The following IL22RA2 variants were observed in gnomAD, a reference collection of about 807,000 sequenced individuals.
IL22RA2 encodes interleukin 22 receptor subunit alpha 2, also known as interleukin-22 receptor subunit alpha-2.
A neutral mutation model predicts 30.7 loss-of-function variants in IL22RA2; 39 were observed. That is an observed-to-expected ratio of 1.27 (90% CI 0.98 to 1.66). IL22RA2 has a LOEUF of 1.66. Ranked by LOEUF, IL22RA2 falls within the 40% of genes most tolerant of loss-of-function variation. The pLI, the probability that IL22RA2 is intolerant of heterozygous loss-of-function variation, is 0.00. For missense variants in IL22RA2, 315 were observed against 312.7 expected (o/e 1.01, Z -0.05); for synonymous variants, 103 against 105.0 (o/e 0.98, Z 0.11).
chr6:137,155,513 T>C (rs1360763537), intron 4 of IL22RA2, among the ~76,000 whole-genome samples: 1 of 150,090 alleles, frequency 6.7e-6, no homozygotes, highest in African/African-American at 2.4e-5. Flanking sequence ...TATATACATA[T>C]ATATATAAAA....
At chr6:137,156,726 A>C in intron 4 of IL22RA2, 33 bp downstream of exon 4, 1 of 1,604,384 alleles carries the variant, frequency 6.2e-7, no homozygotes, top group Non-Finnish European at 8.5e-7. Flanking sequence ...AGAACACCTG[A>C]GGCTAGGTAA....
Position 137,154,921 on chromosome 6 carries a change from A to G in IL22RA2, c.472+20T>C. On this transcript the variant is annotated intron_variant, in intron 5 of 6. Coordinates refer to ENST00000296980, the MANE Select transcript of IL22RA2 (RefSeq NM_052962.3). ...CCAAAAGCAGGAAGAACAAGGGCAA[A>G]GAAACTCCATGGAACTCACTTTCCC... 1 of 1,612,778 alleles carries G rather than the reference A, an allele frequency of 6.2e-7. No individual in the cohort carries two copies. The highest frequency in any genetic ancestry group is 1.3e-5 in the African/African-American group (1 of 75,024).
At chr6:137,172,392 C>T (rs906582855) in intron 1 of IL22RA2, among the ~76,000 whole-genome samples, 34 of 152,244 alleles carry the variant, frequency 2.2e-4, no homozygotes, top group Admixed American at 2.0e-3. Flanking sequence ...CCAGTTCTGT[C>T]ACTGTTCAAT....
chr6:137,151,722 A>AT (rs1218685595), intron 5 of IL22RA2, among the ~76,000 whole-genome samples: 2 of 152,190 alleles, frequency 1.3e-5, no homozygotes, highest in Non-Finnish European at 2.9e-5. Context: ...ATTTGATTAA[A>AT]TTTTTTAAAT....
chr6:137,148,691 G>A (rs1288544050), intron 5 of IL22RA2, among the ~76,000 whole-genome samples: 2 of 152,192 alleles, frequency 1.3e-5, no homozygotes, highest in Non-Finnish European at 2.9e-5. Flanking sequence ...AAGTGTTTTA[G>A]AAGAAGAGAG....
chr6:137,167,162 C>T (rs1778642425), intron 1 of IL22RA2, among the ~76,000 whole-genome samples: 2 of 152,196 alleles, frequency 1.3e-5, no homozygotes, highest in Admixed American at 6.5e-5. Flanking sequence ...AATAGTACAA[C>T]AGCTAACACA....
intron 1 of IL22RA2, among the ~76,000 whole-genome samples, chr6:137,166,975 C>A (rs772785507): frequency 1.3e-5 from 2 of 152,202 alleles, no homozygotes; most frequent in Non-Finnish European, 2.9e-5. Context: ...TGCCTCGAAC[C>A]GGAGGCTACC....
chr6:137,159,951 A>T (rs2114379014), intron 2 of IL22RA2, among the ~76,000 whole-genome samples: 1 of 152,314 alleles, frequency 6.6e-6, no homozygotes, highest in South Asian at 2.1e-4. Flanking sequence ...CTTCTTACCA[A>T]CCAAATAGTG....
intron 4 of IL22RA2, 118 bp from the exon 5 acceptor site, chr6:137,155,237 T>G (rs1343327442): frequency 1.0e-5 from 7 of 670,792 alleles, no homozygotes; most frequent in Non-Finnish European, 1.7e-5. Flanking sequence ...CATGATAGCT[T>G]ATGGCTCCTC....
chr6:137,146,392 A>G (rs1287529568), intron 6 of IL22RA2, among the ~76,000 whole-genome samples: 1 of 152,136 alleles, frequency 6.6e-6, no homozygotes, highest in Non-Finnish European at 1.5e-5. Flanking sequence ...AGCAGAGATA[A>G]CTGCAGGCAT....
chr6:137,167,073 T>C (rs1269756717), intron 1 of IL22RA2, among the ~76,000 whole-genome samples: 4 of 152,210 alleles, frequency 2.6e-5, no homozygotes, highest in Non-Finnish European at 5.9e-5. Flanking sequence ...GTAACCAGAA[T>C]CTTACTAAAG....
chr6:137,155,228 A>C, intron 4 of IL22RA2, 109 bp from the exon 5 acceptor site: 1 of 713,578 alleles, frequency 1.4e-6, no homozygotes, highest in Non-Finnish European at 2.3e-6. Context: ...CAATACCACC[A>C]TGATAGCTTA....
chr6:137,152,640 G>A lies in IL22RA2; in HGVS notation c.472+2301C>T, dbSNP rs9483995. On this transcript the variant is annotated intron_variant, in intron 5 of 6. Coordinates refer to ENST00000296980, the MANE Select transcript of IL22RA2 (RefSeq NM_052962.3). ...GTTCTAAAATTGACTGTGAGTGATG[G>A]TTGTACATATTTGTGAATATAGTAA... Among the ~76,000 whole-genome samples, 890 of 152,266 alleles carry A rather than the reference G, an allele frequency of 5.8e-3. 6 individuals carry two copies. The highest frequency in any genetic ancestry group is 0.021 in the African/African-American group (862 of 41,542).
intron 1 of IL22RA2, 114 bp from the exon 2 acceptor site, chr6:137,161,928 G>T (rs1347302264): frequency 2.0e-6 from 1 of 490,182 alleles, no homozygotes; most frequent in African/African-American, 1.9e-5. Context: ...GGAAAAATAT[G>T]AAAGTATAAA....
rs759395417 is a variant in IL22RA2 at position 137,161,735 on chromosome 6, A to T, written c.15T>A (p.His5Gln). The change falls in exon 2 of 7, where the codon CAT becomes CAA. Residue 5 changes from histidine (H) to glutamine (Q), a missense_variant. By Grantham distance (24) the His-to-Gln change is conservative. Transcript: ENST00000296980. ...AACTGATGAGGAAGCCTAGAAAGCA[A>T]TGTTTAGGCATCATGGTTGCAAGTG... is the stretch of plus-strand genomic sequence containing the variant. MMPKHCFLGFLISFF... is the reference protein window; with the variant it reads MMPKQCFLGFLISFF... 6.2e-7 allele frequency: 1 copy of T among 1,613,678 alleles called. No individual in the cohort carries two copies. Among genetic ancestry groups the T allele is most frequent in the Non-Finnish European group, 8.5e-7 (1 of 1,179,722 alleles).
intron 4 of IL22RA2, 71 bp downstream of exon 4, chr6:137,156,680 TTTATACAA>T: frequency 6.4e-7 from 1 of 1,555,374 alleles, no homozygotes; most frequent in Admixed American, 1.7e-5. Flanking sequence ...GGGTCTGAAA[TTTATACAA>T]TCTTGGTCCA....
At chr6:137,172,844 G>A (rs959045939) in intron 1 of IL22RA2, among the ~76,000 whole-genome samples, 1 of 152,134 alleles carries the variant, frequency 6.6e-6, no homozygotes, top group Non-Finnish European at 1.5e-5. Flanking sequence ...GTTTTTAGGT[G>A]TGATGTGGAA....
At chr6:137,169,280 G>A (rs1778687042) in intron 1 of IL22RA2, among the ~76,000 whole-genome samples, 1 of 152,196 alleles carries the variant, frequency 6.6e-6, no homozygotes. Flanking sequence ...ATTCCTCTGT[G>A]TCACTTTAAT....
intron 1 of IL22RA2, 26 bp from the exon 2 acceptor site, chr6:137,161,840 A>T: frequency 1.0e-6 from 1 of 954,248 alleles, no homozygotes; most frequent in Non-Finnish European, 1.6e-6. Context: ...ACAGACAATC[A>T]CTCCCGGGTT....
Sources: allele counts gnomAD v4.1 joint callset (sites outside exome capture counted in the v4.1 genomes callset), GRCh38; gene constraint gnomAD v4.1.1; transcripts MANE v1.5; gene names NCBI Gene and HGNC (gene_info 2026-07-23, HGNC 2026-07-21).